UBE2Q2: variants seen among roughly 807,000 people sequenced by gnomAD.
The protein encoded by UBE2Q2 is ubiquitin-conjugating enzyme E2 Q2.
In UBE2Q2, 54 loss-of-function variants were observed where a neutral mutation model predicts 59.9. That is an observed-to-expected ratio of 0.90 (90% confidence interval 0.72 to 1.13). The LOEUF (loss-of-function observed/expected upper bound fraction) is 1.13. UBE2Q2 is among the 50% of genes most tolerant of loss of function. UBE2Q2 has a pLI of 0.00. For synonymous variants in UBE2Q2, 165 were observed against 155.2 expected (o/e 1.06, Z -0.47); for missense variants, 433 against 441.9 (o/e 0.98, Z 0.18).
chr15:75,844,175 C>T (rs1896188408), intron 1 of UBE2Q2: 1 of 1,439,890 alleles, frequency 6.9e-7, no homozygotes. Context: ...CCTCAGCCGG[C>T]CTGCTCCCGG....
intron 2 of UBE2Q2, among the ~76,000 whole-genome samples, chr15:75,857,654 T>A (rs1001369289): frequency 7.9e-5 from 12 of 152,154 alleles, no homozygotes; most frequent in Non-Finnish European, 1.6e-4. Flanking sequence ...CTGTTGATTG[T>A]TCCCTTGTTG....
At position 75,883,399 on chromosome 15, in the gene UBE2Q2, G is replaced by A. The variant is rs1898556605; in HGVS notation, c.859G>A (p.Val287Met). The A allele has an allele frequency of 1.9e-6, 3 of 1,613,372 alleles. No homozygotes were observed. Among genetic ancestry groups the A allele is most frequent in the Admixed American group, 1.7e-5 (1 of 59,976 alleles). Residue 287 changes from valine (V) to methionine (M), a missense_variant, in exon 9 of 13, where the codon GTG becomes ATG. Transcript: ENST00000267938. The part of the protein sequence containing the change: ...NFPFDPPFVR[V>M]VLPVLSGGYV... ...TCCATTTGATCCTCCATTTGTTCGAGTGGTGTTACCTGTTCTCTCAGGAGG... is the reference window on the plus strand; with the variant it reads ...TCCATTTGATCCTCCATTTGTTCGAATGGTGTTACCTGTTCTCTCAGGAGG...
At chr15:75,845,301 C>T (rs750294841) in intron 1 of UBE2Q2, among the ~76,000 whole-genome samples, 4 of 152,046 alleles carry the variant, frequency 2.6e-5, no homozygotes, top group African/African-American at 9.7e-5. Flanking sequence ...AAAGAAGACA[C>T]GGAGATTTGA....
rs866679460 is a variant in UBE2Q2, at chr15:75,892,689, G to A, written c.1029+1675G>A. 2.0e-4 allele frequency among the ~76,000 whole-genome samples: 30 copies of A among 151,752 alleles called. 1 individual carries two copies. The highest frequency in any genetic ancestry group is 1.2e-3 in the Admixed American group (18 of 15,236). On this transcript the variant is annotated intron_variant, in intron 11 of 12. Coordinates refer to ENST00000267938, the MANE Select transcript of UBE2Q2 (RefSeq NM_173469.4). Reference sequence around the variant, plus strand: ...AGCCTGGGGAACATGGTGAGAACTCGTCTACACAAAAAATACGCCCCCCAC... The same window carrying A: ...AGCCTGGGGAACATGGTGAGAACTCATCTACACAAAAAATACGCCCCCCAC...
At chr15:75,850,458 C>T in intron 1 of UBE2Q2, among the ~76,000 whole-genome samples, 1 of 152,194 alleles carries the variant, frequency 6.6e-6, no homozygotes, top group East Asian at 1.9e-4. Context: ...AGGTGGCCAT[C>T]CTTGTCCCTG....
intron 1 of UBE2Q2, among the ~76,000 whole-genome samples, chr15:75,848,732 T>C (rs1896487691): frequency 6.6e-6 from 1 of 151,998 alleles, no homozygotes; most frequent in Non-Finnish European, 1.5e-5. Flanking sequence ...TGTCAGCTAG[T>C]TGAGGGGTGG....
At chr15:75,844,477 T>C in intron 1 of UBE2Q2, 1 of 1,551,468 alleles carries the variant, frequency 6.4e-7, no homozygotes, top group Non-Finnish European at 8.7e-7. Flanking sequence ...AGTACCGTCG[T>C]TGCGGCAGGT....
intron 1 of UBE2Q2, among the ~76,000 whole-genome samples, chr15:75,850,895 A>G (rs1745536111): frequency 6.6e-6 from 1 of 152,214 alleles, no homozygotes; most frequent in South Asian, 2.1e-4. Flanking sequence ...AACTCATCAC[A>G]TATTATTATA....
At chr15:75,846,057 T>C (rs1476655997) in intron 1 of UBE2Q2, among the ~76,000 whole-genome samples, 3 of 152,206 alleles carry the variant, frequency 2.0e-5, no homozygotes, top group South Asian at 2.1e-4. Context: ...CTTTTTATTA[T>C]GGAAAATCAT....
chr15:75,881,356 T>C (rs1294806676), intron 8 of UBE2Q2, among the ~76,000 whole-genome samples: 7 of 152,036 alleles, frequency 4.6e-5, no homozygotes, highest in African/African-American at 1.7e-4. Flanking sequence ...TTTGTGACTA[T>C]AGGTAGTGTT....
intron 4 of UBE2Q2, 82 bp downstream of exon 4, chr15:75,869,092 C>T: frequency 7.7e-6 from 9 of 1,164,938 alleles, no homozygotes; most frequent in Admixed American, 2.1e-5. Context: ...TTTTTATAGA[C>T]TACTATTAAT....
intron 1 of UBE2Q2, among the ~76,000 whole-genome samples, chr15:75,846,486 G>A (rs548414799): frequency 6.6e-6 from 1 of 152,236 alleles, no homozygotes; most frequent in East Asian, 1.9e-4. Context: ...CCAAAGTGCT[G>A]GGATTACAGG....
intron 3 of UBE2Q2, among the ~76,000 whole-genome samples, chr15:75,867,891 G>A (rs1418490148): frequency 7.2e-5 from 11 of 151,902 alleles, no homozygotes; most frequent in African/African-American, 2.4e-4. Flanking sequence ...AACAATTTAG[G>A]GAAATGAAAA....
chr15:75,855,490 CAA>C (rs35784581), intron 2 of UBE2Q2, among the ~76,000 whole-genome samples: 3 of 124,314 alleles, frequency 2.4e-5, no homozygotes, highest in Non-Finnish European at 1.7e-5. Flanking sequence ...TACTCCATCT[CAA>C]AAAAAAAAAA....
At chr15:75,885,732 A>T (rs1254075337) in intron 9 of UBE2Q2, among the ~76,000 whole-genome samples, 1 of 152,194 alleles carries the variant, frequency 6.6e-6, no homozygotes, top group African/African-American at 2.4e-5. Context: ...TACAAAGTTG[A>T]TCACAAATAT....
chr15:75,861,069 A>G (rs892208697), intron 3 of UBE2Q2, among the ~76,000 whole-genome samples: 5 of 152,180 alleles, frequency 3.3e-5, no homozygotes, highest in African/African-American at 1.2e-4. Context: ...TCAATTTTCC[A>G]TTGGCAAAAT....
At chr15:75,860,706 G>T (rs1481431369) in intron 3 of UBE2Q2, among the ~76,000 whole-genome samples, 1 of 151,954 alleles carries the variant, frequency 6.6e-6, no homozygotes, top group Non-Finnish European at 1.5e-5. Flanking sequence ...TTTCTGTGAG[G>T]TTTCCCTTTC....
chr15:75,882,704 A>G (rs1595889858), intron 8 of UBE2Q2, among the ~76,000 whole-genome samples: 2 of 152,212 alleles, frequency 1.3e-5, no homozygotes, highest in Non-Finnish European at 2.9e-5. Flanking sequence ...ATAATCTTAC[A>G]TTTCTATTGC....
At chr15:75,877,179 A>AT (rs1555422283) in intron 6 of UBE2Q2, among the ~76,000 whole-genome samples, 2,500 of 150,848 alleles carry the variant, frequency 0.017, 94 homozygotes, top group African/African-American at 0.057. Context: ...AAAAAAAAAA[A>AT]AAAAGGGTTA....
Sources: allele counts gnomAD v4.1 joint callset (sites outside exome capture counted in the v4.1 genomes callset), GRCh38; gene constraint gnomAD v4.1.1; transcripts MANE v1.5; gene names NCBI Gene and HGNC (gene_info 2026-07-23, HGNC 2026-07-21).